The following SMURF1 variants were observed in gnomAD, a reference collection of about 807,000 sequenced individuals.
The protein encoded by SMURF1 is E3 ubiquitin-protein ligase SMURF1.
In SMURF1, 44 loss-of-function variants were observed where a neutral mutation model predicts 98.0. The observed-to-expected ratio is 0.45, with a 90% CI of 0.35 to 0.58. The LOEUF (loss-of-function observed/expected upper bound fraction) is 0.58. SMURF1 is among the 20% of genes least tolerant of loss of function. The pLI is 0.00. For synonymous variants in SMURF1, 396 were observed against 374.9 expected (o/e 1.06, Z -0.65); for missense variants, 687 against 938.4 (o/e 0.73, Z 3.50).
chr7:99,112,070 G>A (rs761618434), intron 1 of SMURF1, among the ~76,000 whole-genome samples: 1 of 152,122 alleles, frequency 6.6e-6, no homozygotes, highest in Non-Finnish European at 1.5e-5. Context: ...AAAGGCTAAG[G>A]AATGAGATAC....
chr7:99,138,666 A>G (rs1798048882), intron 1 of SMURF1, among the ~76,000 whole-genome samples: 1 of 152,226 alleles, frequency 6.6e-6, no homozygotes, highest in Admixed American at 6.5e-5. Context: ...TGGAGATAGA[A>G]ATAAAGCATA....
chr7:99,129,686 C>A (rs1735612160), intron 1 of SMURF1, among the ~76,000 whole-genome samples: 1 of 152,196 alleles, frequency 6.6e-6, no homozygotes, highest in South Asian at 2.1e-4. Flanking sequence ...GCCACTGTAC[C>A]CAGCCTTCCC....
At chr7:99,141,819 G>C (rs1045377940) in intron 1 of SMURF1, among the ~76,000 whole-genome samples, 1 of 152,128 alleles carries the variant, frequency 6.6e-6, no homozygotes, top group African/African-American at 2.4e-5. Flanking sequence ...TGTTCAAAAC[G>C]CTCATTCTCT....
intron 1 of SMURF1, among the ~76,000 whole-genome samples, chr7:99,112,050 A>G (rs1797336040): frequency 6.6e-6 from 1 of 152,188 alleles, no homozygotes; most frequent in Non-Finnish European, 1.5e-5. Flanking sequence ...TAATGTAAAC[A>G]CTTGGGAGGA....
intron 1 of SMURF1, among the ~76,000 whole-genome samples, chr7:99,118,019 C>G (rs892666284): frequency 1.3e-5 from 2 of 152,124 alleles, no homozygotes; most frequent in Admixed American, 6.5e-5. Context: ...CCAATAAGCA[C>G]ATGAAAATAC....
chr7:99,144,011 C>A lies in SMURF1; in HGVS notation c.-231G>T. 3.1e-6 allele frequency: 1 copy of A among 320,956 alleles called. No individual in the cohort carries two copies. The highest frequency in any genetic ancestry group is 5.6e-6 in the Non-Finnish European group (1 of 179,808). The allele number at this position is 320,956 out of a possible 1,614,324, so 19.9% of individuals were successfully genotyped here. ...CTCGCTGCTTCCAGCCGAGCCCAGT[C>A]CCGAGCCGCCGCCGCCTCCGCCGCC... On this transcript the variant is annotated 5_prime_UTR_variant, in exon 1 of 18. Transcript: ENST00000361368.
intron 1 of SMURF1, among the ~76,000 whole-genome samples, chr7:99,066,998 CTTTT>C (rs376242285): frequency 8.2e-6 from 1 of 121,680 alleles, no homozygotes. Flanking sequence ...ATTTTTTTTT[CTTTT>C]TTTTTTTTTT....
chr7:99,053,908 T>C (rs1280516647), intron 6 of SMURF1, among the ~76,000 whole-genome samples: 1 of 152,166 alleles, frequency 6.6e-6, no homozygotes, highest in Admixed American at 6.6e-5. Flanking sequence ...ATATCTGATA[T>C]GTTCCAAATT....
rs532265341 is a variant in SMURF1, at chr7:99,140,725, A to G, written c.55+3001T>C. Among the ~76,000 whole-genome samples the G allele has an allele frequency of 5.9e-5, 9 of 152,046 alleles. No individual in the cohort carries two copies. In the South Asian group the frequency reaches 1.2e-3, roughly 21 times the overall value. Reference sequence around the variant, plus strand: ...GCCACGGCGCCAGGCCATCTTCACTATCTTTGCACTGAATTTCGCTCTGTG... The same window carrying G: ...GCCACGGCGCCAGGCCATCTTCACTGTCTTTGCACTGAATTTCGCTCTGTG... On this transcript the variant is annotated intron_variant, in intron 1 of 17. Transcript: ENST00000361368.
Position 99,030,566 on chromosome 7 carries a change from G to A in SMURF1, c.*18C>T, listed in dbSNP as rs756538143. ...GTCTGGTGGCCATGAGCTAGACTCT[G>A]TTGCCTTTGGTTGCTTTTCACTCCA... On this transcript the variant is annotated 3_prime_UTR_variant, in exon 18 of 18. Coordinates refer to ENST00000361368, the MANE Select transcript of SMURF1 (RefSeq NM_181349.3). The A allele has an allele frequency of 3.7e-6, 6 of 1,610,986 alleles. No individual in the cohort carries two copies. In the African/African-American group the frequency reaches 6.7e-5, roughly 18 times the overall value.
intron 1 of SMURF1, among the ~76,000 whole-genome samples, chr7:99,098,504 G>A (rs898472791): frequency 7.9e-5 from 12 of 152,096 alleles, no homozygotes; most frequent in African/African-American, 2.7e-4. Flanking sequence ...CTATGATATC[G>A]AACAGTGCAT....
At chr7:99,079,320 C>G (rs978382423) in intron 1 of SMURF1, among the ~76,000 whole-genome samples, 1 of 152,198 alleles carries the variant, frequency 6.6e-6, no homozygotes, top group Non-Finnish European at 1.5e-5. Flanking sequence ...TCTGCGCAGG[C>G]TGGCAGGTGA....
intron 1 of SMURF1, among the ~76,000 whole-genome samples, chr7:99,110,647 C>T (rs1448714064): frequency 5.3e-5 from 8 of 152,220 alleles, no homozygotes; most frequent in Non-Finnish European, 8.8e-5. Context: ...ACAACACCTA[C>T]GTAGGGAAGT....
At chr7:99,063,281 A>ATATATATG (rs1796104948) in intron 1 of SMURF1, among the ~76,000 whole-genome samples, 2 of 18,764 alleles carry the variant, frequency 1.1e-4, no homozygotes, top group African/African-American at 2.3e-4. Flanking sequence ...ATATATATAT[A>ATATATATG]TATATATATA....
At position 99,057,478 on chromosome 7, in the gene SMURF1, C is replaced by A; in HGVS notation, c.277G>T (p.Gly93Cys). ...AGCAGCCGCACACAGCCCAGGAAGCCAGCTCCCTGTTTCTTGTGAATTTTC... is the reference window on the plus strand; with the variant it reads ...AGCAGCCGCACACAGCCCAGGAAGCAAGCTCCCTGTTTCTTGTGAATTTTC... ...HKKIHKKQGA[G>C]FLGCVRLLSN... is the part of the protein sequence containing the mutation. The change falls in exon 4 of 18, where the codon GGC becomes TGC. Residue 93 changes from glycine to cysteine, a missense_variant. Gly to Cys is a radical substitution (Grantham distance 159, BLOSUM62 -3). Coordinates refer to ENST00000361368, the MANE Select transcript of SMURF1 (RefSeq NM_181349.3). 6.3e-7 allele frequency: 1 copy of A among 1,593,092 alleles called. No homozygotes were observed. The highest frequency in any genetic ancestry group is 8.5e-7 in the Non-Finnish European group (1 of 1,175,166).
At chr7:99,049,841 G>C in intron 8 of SMURF1, 132 bp from the exon 9 acceptor site, 1 of 821,152 alleles carries the variant, frequency 1.2e-6, no homozygotes. Context: ...ATGGACCTTC[G>C]TGGTGCTACT....
intron 1 of SMURF1, among the ~76,000 whole-genome samples, chr7:99,087,314 G>A (rs1198843149): frequency 6.6e-6 from 1 of 152,116 alleles, no homozygotes; most frequent in African/African-American, 2.4e-5. Flanking sequence ...GAGCCCAGGA[G>A]GTCAAAGCTT....
intron 1 of SMURF1, among the ~76,000 whole-genome samples, chr7:99,136,061 C>T (rs558072113): frequency 3.9e-5 from 6 of 152,266 alleles, no homozygotes; most frequent in Admixed American, 1.3e-4. Context: ...CAGGGCACAG[C>T]GGCATATACT....
At chr7:99,037,965 G>T (rs1437354084) in intron 14 of SMURF1, among the ~76,000 whole-genome samples, 1 of 152,224 alleles carries the variant, frequency 6.6e-6, no homozygotes, top group Non-Finnish European at 1.5e-5. Flanking sequence ...TGCCCACATA[G>T]TTCTCAGCTG....
Sources: gnomAD v4.1 joint callset for allele counts (sites outside exome capture counted in the v4.1 genomes callset) on GRCh38, gnomAD v4.1.1 for gene constraint, MANE v1.5 for transcripts, NCBI Gene and HGNC (gene_info 2026-07-23, HGNC 2026-07-21) for gene names.